Variants in PPP2R3C observed in about 807,000 individuals in gnomAD.
PPP2R3C encodes the protein serine/threonine-protein phosphatase 2A regulatory subunit B'' subunit gamma.
Under a neutral mutation model 63.7 loss-of-function variants are expected in PPP2R3C, and 47 were observed. The ratio of observed to expected loss-of-function variants is 0.74; its 90% CI spans 0.58 to 0.94. The LOEUF (loss-of-function observed/expected upper bound fraction) is 0.94, where lower values mean the gene tolerates loss of function less well. Ranked by LOEUF, PPP2R3C falls within the 40% of genes least tolerant of loss-of-function variation. PPP2R3C has a pLI of 0.00. For synonymous variants in PPP2R3C, 180 were observed against 177.4 expected (o/e 1.01, Z -0.12); for missense variants, 421 against 518.4 (o/e 0.81, Z 1.82).
At chr14:35,109,075 TGA>T (rs890694873) in intron 4 of PPP2R3C, among the ~76,000 whole-genome samples, 3 of 152,036 alleles carry the variant, frequency 2.0e-5, no homozygotes, top group African/African-American at 7.2e-5. Context: ...TTTTTTTTTT[TGA>T]GATGGAGTCT....
At chr14:35,090,009 A>G (rs1458148154) in intron 11 of PPP2R3C, among the ~76,000 whole-genome samples, 1 of 152,140 alleles carries the variant, frequency 6.6e-6, no homozygotes, top group Non-Finnish European at 1.5e-5. Flanking sequence ...AGATTTCAGA[A>G]AGAAATCAAG....
chr14:35,122,010 A>AC (rs2046921624), upstream of PPP2R3C: 2 of 1,603,172 alleles, frequency 1.2e-6, no homozygotes, highest in South Asian at 2.2e-5. Context: ...TACCTGCTCC[A>AC]CCCCTACCAG....
chr14:35,107,552 T>C, intron 5 of PPP2R3C, 178 bp from the exon 6 acceptor site: 2 of 573,742 alleles, frequency 3.5e-6, no homozygotes, highest in South Asian at 2.4e-5. Flanking sequence ...AATTCTACCA[T>C]GACTAAAGCT....
At position 35,109,821 on chromosome 14, in the gene PPP2R3C, G is replaced by T; in HGVS notation, c.402C>A (p.Cys134Ter). ...TTTGTTAATTATATTATTCTTACTT[G>T]CACTTTGCTCCAGCCTTTTCACCAA... ...LKVGEKAGAK[C>*]KQFFTAKVFA... is the part of the protein sequence containing the mutation. The change falls in exon 4 of 13, where the codon TGC becomes TGA. Residue 134 changes from cysteine (C) to a stop codon, truncating the protein, a stop_gained and splice_region_variant. Coordinates refer to ENST00000261475, the MANE Select transcript of PPP2R3C (RefSeq NM_017917.4). LOFTEE classifies it high-confidence loss of function. 1 of 1,558,898 alleles carries T rather than the reference G, an allele frequency of 6.4e-7. No homozygotes were observed. Among genetic ancestry groups the T allele is most frequent in the East Asian group, 2.2e-5 (1 of 44,596 alleles).
intron 5 of PPP2R3C, 52 bp from the exon 6 acceptor site, chr14:35,107,426 A>G (rs771513239): frequency 7.1e-7 from 1 of 1,414,690 alleles, no homozygotes; most frequent in Non-Finnish European, 1.0e-6. Context: ...TCCTTCAGAT[A>G]TGAAAAAGGA....
chr14:35,120,907 C>T (rs1298579303), intron 1 of PPP2R3C, among the ~76,000 whole-genome samples: 1 of 151,930 alleles, frequency 6.6e-6, no homozygotes, highest in African/African-American at 2.4e-5. Context: ...CACTGCGCCG[C>T]TGCACTCCAG....
intron 1 of PPP2R3C, 66 bp downstream of exon 1, chr14:35,121,836 C>T: frequency 6.4e-7 from 1 of 1,562,246 alleles, no homozygotes; most frequent in East Asian, 2.3e-5. Context: ...CTCCTCCCCA[C>T]CTCCCCCCTA....
intron 2 of PPP2R3C, among the ~76,000 whole-genome samples, chr14:35,115,145 C>T (rs183763296): frequency 4.0e-5 from 6 of 148,908 alleles, no homozygotes; most frequent in East Asian, 3.9e-4. Context: ...AGGTTGTAAA[C>T]GGCTTTTTTT....
chr14:35,096,874 G>A (rs1387628270), intron 7 of PPP2R3C, 110 bp from the exon 8 acceptor site: 2 of 1,051,398 alleles, frequency 1.9e-6, no homozygotes, highest in African/African-American at 3.2e-5. Context: ...ATATTTTAAA[G>A]CTTCTAGCTC....
At chr14:35,088,158 T>C (rs2045670918) in intron 11 of PPP2R3C, 148 bp from the exon 12 acceptor site, 1 of 692,320 alleles carries the variant, frequency 1.4e-6, no homozygotes. Flanking sequence ...TTAGCTTTCT[T>C]GACCTTATTC....
chr14:35,100,950 T>A (rs529953552), intron 6 of PPP2R3C: 5 of 152,256 alleles, frequency 3.3e-5, no homozygotes, highest in Admixed American at 1.3e-4. Context: ...TTTTAAAAAA[T>A]TTTTTAAATC....
At chr14:35,106,663 A>ATTT (rs35661935) in intron 6 of PPP2R3C, among the ~76,000 whole-genome samples, 3 of 100,402 alleles carry the variant, frequency 3.0e-5, no homozygotes, top group African/African-American at 3.9e-5. Context: ...CAGCCAATAC[A>ATTT]TTTTTTTTTT....
chr14:35,104,963 A>C (rs531475138), intron 6 of PPP2R3C, among the ~76,000 whole-genome samples: 2 of 151,930 alleles, frequency 1.3e-5, no homozygotes, highest in East Asian at 3.9e-4. Context: ...CGAAGTCCTG[A>C]CATCAAGTGA....
At chr14:35,099,430 A>G in intron 6 of PPP2R3C, 46 bp from the exon 7 acceptor site, 1 of 1,549,398 alleles carries the variant, frequency 6.5e-7, no homozygotes, top group South Asian at 1.3e-5. Context: ...GTCTTGATTC[A>G]TTAGATATTA....
chr14:35,117,096 A>G (rs2046731003), intron 1 of PPP2R3C: 1 of 455,878 alleles, frequency 2.2e-6, no homozygotes, highest in South Asian at 1.5e-5. Flanking sequence ...ACGCTGTAGT[A>G]GACACGGAAT....
chr14:35,106,817 G>A (rs1393494443), intron 6 of PPP2R3C, among the ~76,000 whole-genome samples: 5 of 151,240 alleles, frequency 3.3e-5, no homozygotes, highest in Admixed American at 3.3e-4. Flanking sequence ...ACAGGTATGT[G>A]CCACCAAGCC....
chr14:35,117,757 C>A (rs908232134), intron 1 of PPP2R3C, among the ~76,000 whole-genome samples: 1 of 151,638 alleles, frequency 6.6e-6, no homozygotes, highest in Non-Finnish European at 1.5e-5. Context: ...CGCAATGGTA[C>A]GATCTCGGGT....
At position 35,085,792 on chromosome 14, in the gene PPP2R3C, A is replaced by G; in HGVS notation, c.1174-14T>C. On this transcript the variant is annotated splice_polypyrimidine_tract_variant and intron_variant, in intron 12 of 12. Transcript: ENST00000261475. The stretch of plus-strand genomic sequence containing the variant: ...AAAGATTTCATCCTGCAAGAGAAAA[A>G]AAAATACAATGAAATTTGATCCACT... 6.3e-7 allele frequency: 1 copy of G among 1,576,890 alleles called. No individual in the cohort carries two copies. The highest frequency in any genetic ancestry group is 8.6e-7 in the Non-Finnish European group (1 of 1,157,732).
intron 1 of PPP2R3C, among the ~76,000 whole-genome samples, chr14:35,120,170 T>C (rs2046824832): frequency 6.7e-6 from 1 of 149,926 alleles, no homozygotes; most frequent in Non-Finnish European, 1.5e-5. Flanking sequence ...GAAGCCAGAG[T>C]GTATGGGCAA....
Sources: gnomAD v4.1 joint callset for allele counts (sites outside exome capture counted in the v4.1 genomes callset) on GRCh38, gnomAD v4.1.1 for gene constraint, MANE v1.5 for transcripts, NCBI Gene and HGNC (gene_info 2026-07-23, HGNC 2026-07-21) for gene names.